MBD5: variants seen among roughly 807,000 people sequenced by gnomAD.
MBD5 encodes the protein methyl-CpG-binding domain protein 5.
In MBD5, 13 loss-of-function variants were observed where a neutral mutation model predicts 117.3. The observed-to-expected ratio is 0.11, with a 90% confidence interval of 0.07 to 0.18. MBD5 has a LOEUF of 0.18. Among genes scored for constraint, MBD5 ranks in the 10% least tolerant of loss-of-function variants. The pLI is 1.00. For missense variants in MBD5, 1,879 were observed against 2,093.8 expected (o/e 0.90, Z 2.00); for synonymous variants, 727 against 766.4 (o/e 0.95, Z 0.85).
At chr2:148,263,263 A>AGGATT (rs1203810253) in intron 3 of MBD5, among the ~76,000 whole-genome samples, 1 of 152,194 alleles carries the variant, frequency 6.6e-6, no homozygotes, top group Non-Finnish European at 1.5e-5. Context: ...AGGGAAATGT[A>AGGATT]GGATTGCTAA....
At chr2:148,467,568 C>T (rs563135748) in intron 7 of MBD5, among the ~76,000 whole-genome samples, 70 of 152,168 alleles carry the variant, frequency 4.6e-4, no homozygotes, top group African/African-American at 1.6e-3. Context: ...CAGTCTTTTA[C>T]CTAAGTTGGT....
chr2:148,162,577 A>G (rs1432971390), intron 1 of MBD5, among the ~76,000 whole-genome samples: 1 of 152,322 alleles, frequency 6.6e-6, no homozygotes, highest in African/African-American at 2.4e-5. Flanking sequence ...TTGTGACACA[A>G]AATTGTTAAA....
At chr2:148,400,505 A>C (rs938069812) in intron 4 of MBD5, among the ~76,000 whole-genome samples, 1 of 152,222 alleles carries the variant, frequency 6.6e-6, no homozygotes, top group African/African-American at 2.4e-5. Flanking sequence ...CCACCTGGGC[A>C]GGATGATTTT....
intron 7 of MBD5, among the ~76,000 whole-genome samples, chr2:148,466,585 A>C (rs1200955468): frequency 2.6e-5 from 4 of 152,196 alleles, no homozygotes; most frequent in Admixed American, 6.6e-5. Flanking sequence ...TAATGTTCTC[A>C]CTATTTGCCA....
At chr2:148,423,820 G>A (rs1019255723) in intron 4 of MBD5, among the ~76,000 whole-genome samples, 1 of 152,026 alleles carries the variant, frequency 6.6e-6, no homozygotes, top group East Asian at 1.9e-4. Flanking sequence ...CATGTTCAAG[G>A]ACACACATAG....
At chr2:148,075,418 A>T (rs779184212) in intron 1 of MBD5, among the ~76,000 whole-genome samples, 2 of 152,254 alleles carry the variant, frequency 1.3e-5, no homozygotes, top group Non-Finnish European at 2.9e-5. Flanking sequence ...GGCTAAGAGA[A>T]ATGGAAATAG....
chr2:148,288,661 C>G (rs1432602817), intron 3 of MBD5, among the ~76,000 whole-genome samples: 1 of 151,684 alleles, frequency 6.6e-6, no homozygotes, highest in African/African-American at 2.4e-5. Flanking sequence ...CTAGGTGAAC[C>G]ATAGGCGCAA....
chr2:148,506,261 TAAAG>T (rs1302115799), intron 12 of MBD5, among the ~76,000 whole-genome samples: 2 of 152,246 alleles, frequency 1.3e-5, no homozygotes, highest in Non-Finnish European at 2.9e-5. Context: ...ATAGCTTTAT[TAAAG>T]AAAAATTCCA....
At position 148,342,233 on chromosome 2, in the gene MBD5, A is replaced by G. The variant is rs888498386; in HGVS notation, c.-660A>G. On this transcript the variant is annotated 5_prime_UTR_variant, in exon 4 of 14. Transcript: ENST00000642680. ...TTCCAGAGAGAAGAGGTACTCCCTT[A>G]TAGGGACTCGTAAAGACATAGAGCA... The G allele has an allele frequency of 6.6e-6, 1 of 152,008 alleles. No individual in the cohort carries two copies. Among genetic ancestry groups the G allele is most frequent in the African/African-American group, 2.4e-5 (1 of 41,426 alleles). 9.4% of individuals were successfully genotyped at this position (152,008 alleles called of 1,614,324 possible).
intron 3 of MBD5, among the ~76,000 whole-genome samples, chr2:148,278,198 C>A (rs564340952): frequency 2.0e-5 from 3 of 152,096 alleles, no homozygotes; most frequent in Non-Finnish European, 2.9e-5. Context: ...GAAGTTCATT[C>A]GTATTGTTAT....
At chr2:148,476,475 G>A (rs182938913) in intron 8 of MBD5, among the ~76,000 whole-genome samples, 17 of 152,182 alleles carry the variant, frequency 1.1e-4, no homozygotes, top group Admixed American at 7.9e-4. Flanking sequence ...TAACAGCCAT[G>A]ACTCACTGAA....
intron 1 of MBD5, among the ~76,000 whole-genome samples, chr2:148,151,699 T>C (rs967480034): frequency 2.6e-5 from 4 of 152,200 alleles, no homozygotes; most frequent in African/African-American, 9.7e-5. Context: ...AATTTATCCA[T>C]TTCTTCTAGA....
At chr2:148,384,517 G>A (rs1418300940) in intron 4 of MBD5, among the ~76,000 whole-genome samples, 4 of 152,152 alleles carry the variant, frequency 2.6e-5, no homozygotes, top group South Asian at 2.1e-4. Context: ...AATAAATATC[G>A]TGAAAATGGA....
At chr2:148,478,523 A>C (rs1451567388) in intron 8 of MBD5, among the ~76,000 whole-genome samples, 3 of 152,130 alleles carry the variant, frequency 2.0e-5, no homozygotes, top group Non-Finnish European at 4.4e-5. Context: ...ACATCACTGC[A>C]CTCCAGCCTG....
intron 12 of MBD5, among the ~76,000 whole-genome samples, chr2:148,508,341 T>C (rs561680393): frequency 3.3e-5 from 5 of 152,252 alleles, no homozygotes; most frequent in African/African-American, 9.6e-5. Flanking sequence ...AACTAGATGG[T>C]ATTTAAAACA....
At chr2:148,107,749 A>G (rs1696406537) in intron 1 of MBD5, among the ~76,000 whole-genome samples, 1 of 152,038 alleles carries the variant, frequency 6.6e-6, no homozygotes, top group Non-Finnish European at 1.5e-5. Context: ...AGTGTGTAGT[A>G]ATTCTAATAC....
chr2:148,156,175 C>A (rs1697868156), intron 1 of MBD5, among the ~76,000 whole-genome samples: 1 of 152,168 alleles, frequency 6.6e-6, no homozygotes, highest in South Asian at 2.1e-4. Context: ...TAATTTTAAA[C>A]AATCATACAA....
chr2:148,476,514 A>G (rs971513150), intron 8 of MBD5, among the ~76,000 whole-genome samples: 8 of 152,202 alleles, frequency 5.3e-5, no homozygotes, highest in Admixed American at 5.2e-4. Flanking sequence ...AAAACAGATC[A>G]TGACCTAGCA....
At chr2:148,074,496 T>G (rs1428648873) in intron 1 of MBD5, among the ~76,000 whole-genome samples, 18 of 113,412 alleles carry the variant, frequency 1.6e-4, no homozygotes, top group Admixed American at 9.5e-4. Flanking sequence ...TTTTTTTTTG[T>G]TTTTTTTTTT....
Sources: gnomAD v4.1 joint callset for allele counts (sites outside exome capture counted in the v4.1 genomes callset) on GRCh38, gnomAD v4.1.1 for gene constraint, MANE v1.5 for transcripts, NCBI Gene and HGNC (gene_info 2026-07-23, HGNC 2026-07-21) for gene names.